The following OPRM1 variants were observed in gnomAD, a reference collection of about 807,000 sequenced individuals.
OPRM1 encodes mu-type opioid receptor.
Under a neutral mutation model 31.8 loss-of-function variants are expected in OPRM1, and 27 were observed. The ratio of observed to expected loss-of-function variants is 0.85; its 90% CI spans 0.63 to 1.17. OPRM1 has a LOEUF of 1.17. OPRM1 is among the 50% of genes most tolerant of loss of function. The probability of loss-of-function intolerance (pLI) is 0.00; values close to 1 mark genes in which losing one functional copy is unlikely to be tolerated. For missense variants in OPRM1, 536 were observed against 511.1 expected, an observed-to-expected ratio of 1.05 and a Z score of -0.47; for synonymous variants, 196 against 189.9, an observed-to-expected ratio of 1.03 and a Z score of -0.26.
At chr6:154,115,086 C>G (rs900972388) in intron 3 of OPRM1, among the ~76,000 whole-genome samples, 37 of 152,176 alleles carry the variant, frequency 2.4e-4, no homozygotes, top group African/African-American at 8.4e-4. Flanking sequence ...TAACAGGGCT[C>G]TAAACAGCTC....
At chr6:154,019,044 G>A (rs1778181340) in intron 1 of OPRM1, among the ~76,000 whole-genome samples, 2 of 151,998 alleles carry the variant, frequency 1.3e-5, no homozygotes, top group Non-Finnish European at 2.9e-5. Context: ...CATGCAATGT[G>A]TAATAATCAC....
chr6:154,068,819 C>G (rs1021859701), intron 1 of OPRM1, among the ~76,000 whole-genome samples: 1 of 152,194 alleles, frequency 6.6e-6, no homozygotes, highest in African/African-American at 2.4e-5. Context: ...ATTTGCATTT[C>G]CACCAACATT....
intron 1 of OPRM1, among the ~76,000 whole-genome samples, chr6:154,075,361 T>G (rs530397968): frequency 6.6e-6 from 1 of 152,230 alleles, no homozygotes; most frequent in South Asian, 2.1e-4. Flanking sequence ...TAAAAAGAAC[T>G]GGCATTTTTC....
intron 1 of OPRM1, among the ~76,000 whole-genome samples, chr6:154,024,522 T>A (rs956253052): frequency 6.6e-6 from 1 of 152,008 alleles, no homozygotes; most frequent in Admixed American, 6.5e-5. Flanking sequence ...TGTATTGTTT[T>A]TTACATTTCA....
chr6:154,109,780 CTCTCTCTCTCTCTGTGTGTGTGTGTG>C (rs1406790921), intron 3 of OPRM1, among the ~76,000 whole-genome samples: 24 of 116,300 alleles, frequency 2.1e-4, no homozygotes, highest in East Asian at 1.5e-3. Context: ...CTCTCTCTCT[CTCTCTCTCTCTCTGTGTGTGTGTGTG>C]TGTGTGTGTG....
intron 1 of OPRM1, among the ~76,000 whole-genome samples, chr6:154,070,257 G>T (rs1475636420): frequency 6.6e-6 from 1 of 152,176 alleles, no homozygotes; most frequent in Non-Finnish European, 1.5e-5. Context: ...TGTTAGCCAG[G>T]TAAGAGCAGA....
intron 1 of OPRM1, among the ~76,000 whole-genome samples, chr6:154,033,847 T>C (rs1431181911): frequency 6.6e-6 from 1 of 152,132 alleles, no homozygotes; most frequent in East Asian, 1.9e-4. Context: ...TTAATAATAA[T>C]TCTAGAAAGT....
At chr6:154,194,044 A>G (rs1473412648) in intron 3 of OPRM1, among the ~76,000 whole-genome samples, 1 of 152,244 alleles carries the variant, frequency 6.6e-6, no homozygotes, top group African/African-American at 2.4e-5. Flanking sequence ...GAGCAGTGGT[A>G]CACCTAGCGT....
rs1477484604 is a variant in OPRM1, at chr6:154,131,503, T to G, written c.*12782T>G. ...AATTAATTCGTTTCCTTGACAGTGT[T>G]GGGGGTGAAATAAAAGATAGACCCC... is the stretch of plus-strand genomic sequence containing the variant. On this transcript the variant is annotated 3_prime_UTR_variant, in exon 4 of 4. Coordinates refer to ENST00000330432, the MANE Select transcript of OPRM1 (RefSeq NM_000914.5). Among the ~76,000 whole-genome samples, 1 of 152,190 alleles carries G rather than the reference T, an allele frequency of 6.6e-6. No individual in the cohort carries two copies.
intron 3 of OPRM1, among the ~76,000 whole-genome samples, chr6:154,165,271 G>A (rs552929955): frequency 1.3e-5 from 2 of 152,166 alleles, no homozygotes; most frequent in African/African-American, 4.8e-5. Flanking sequence ...GCACTCAGAA[G>A]CTCCATTCAC....
chr6:154,071,122 T>C (rs550136643), intron 1 of OPRM1, among the ~76,000 whole-genome samples: 1 of 152,278 alleles, frequency 6.6e-6, no homozygotes, highest in African/African-American at 2.4e-5. Context: ...GGTTAACTGA[T>C]ATTTGAAGGT....
intron 3 of OPRM1, among the ~76,000 whole-genome samples, chr6:154,184,490 AT>A (rs1307511114): frequency 8.6e-5 from 13 of 151,826 alleles, no homozygotes; most frequent in Non-Finnish European, 1.2e-4. Flanking sequence ...TTCTATTTAC[AT>A]TTTTTTTAAA....
At chr6:154,153,247 TGCAGTAA>T (rs1472841055) in intron 3 of OPRM1, among the ~76,000 whole-genome samples, 1 of 152,166 alleles carries the variant, frequency 6.6e-6, no homozygotes, top group Non-Finnish European at 1.5e-5. Flanking sequence ...AAGGGAGATT[TGCAGTAA>T]GCAGGATAGT....
intron 3 of OPRM1, among the ~76,000 whole-genome samples, chr6:154,181,994 T>C (rs373234733): frequency 6.6e-6 from 1 of 152,196 alleles, no homozygotes; most frequent in Non-Finnish European, 1.5e-5. Flanking sequence ...TTTTAAAAGA[T>C]GGCAGGTTTG....
chr6:154,016,558 A>T (rs1583118013), intron 1 of OPRM1, among the ~76,000 whole-genome samples: 1 of 152,210 alleles, frequency 6.6e-6, no homozygotes, highest in Admixed American at 6.5e-5. Context: ...ACTTCTTTAG[A>T]ATGTACTTTA....
chr6:154,144,799 T>A (rs1166352248), intron 3 of OPRM1, among the ~76,000 whole-genome samples: 1 of 149,376 alleles, frequency 6.7e-6, no homozygotes, highest in Non-Finnish European at 1.5e-5. Flanking sequence ...CCAAGTGGAA[T>A]TTATTCCAAG....
chr6:154,160,109 C>T, intron 3 of OPRM1: 1 of 1,223,678 alleles, frequency 8.2e-7, no homozygotes. Flanking sequence ...ACCATCTTTA[C>T]CAACTCTTTT....
intron 1 of OPRM1, among the ~76,000 whole-genome samples, chr6:154,088,126 G>A (rs1034429927): frequency 4.0e-5 from 6 of 151,734 alleles, no homozygotes; most frequent in Admixed American, 6.6e-5. Flanking sequence ...AATACTACTT[G>A]TCAATAACAA....
intron 1 of OPRM1, among the ~76,000 whole-genome samples, chr6:154,080,715 G>T (rs907228935): frequency 6.6e-6 from 1 of 152,142 alleles, no homozygotes; most frequent in African/African-American, 2.4e-5. Context: ...TGACCCGTAC[G>T]TGAGTGGCTC....
Sources: gnomAD v4.1 joint callset for allele counts (sites outside exome capture counted in the v4.1 genomes callset) on GRCh38, gnomAD v4.1.1 for gene constraint, MANE v1.5 for transcripts, NCBI Gene and HGNC (gene_info 2026-07-23, HGNC 2026-07-21) for gene names.